LRP1B: variants seen among roughly 807,000 people sequenced by gnomAD.
LRP1B encodes the protein low-density lipoprotein receptor-related protein 1B.
In LRP1B, 217 loss-of-function variants were observed where a neutral mutation model predicts 556.6. The observed-to-expected ratio is 0.39, with a 90% CI of 0.35 to 0.44. The LOEUF is 0.44. Among genes scored for constraint, LRP1B ranks in the 20% least tolerant of loss-of-function variants. The probability of loss-of-function intolerance (pLI) is 1.00; values close to 1 mark genes in which losing one functional copy is unlikely to be tolerated. For synonymous variants in LRP1B, 2,047 were observed against 1,865.8 expected, an observed-to-expected ratio of 1.10 and a Z score of -2.50; for missense variants, 5,053 against 5,620.8, an observed-to-expected ratio of 0.90 and a Z score of 3.23.
chr2:142,113,552 A>AT (rs1466629584), intron 1 of LRP1B, among the ~76,000 whole-genome samples: 1 of 151,868 alleles, frequency 6.6e-6, no homozygotes, highest in Non-Finnish European at 1.5e-5. Context: ...ACAAGGTCTC[A>AT]TCAGCCACCA....
intron 52 of LRP1B, among the ~76,000 whole-genome samples, chr2:140,509,252 T>G (rs191412062): frequency 2.0e-5 from 3 of 152,146 alleles, no homozygotes; most frequent in Non-Finnish European, 4.4e-5. Flanking sequence ...GGATCCCCTA[T>G]GTGACCTTGG....
intron 3 of LRP1B, among the ~76,000 whole-genome samples, chr2:141,320,547 C>G (rs1687201761): frequency 6.6e-6 from 1 of 152,060 alleles, no homozygotes; most frequent in South Asian, 2.1e-4. Context: ...GGATTCTCCT[C>G]TTTCTGGGAG....
intron 7 of LRP1B, among the ~76,000 whole-genome samples, chr2:141,112,898 A>AT (rs1558868952): frequency 6.6e-6 from 1 of 152,184 alleles, no homozygotes; most frequent in Non-Finnish European, 1.5e-5. Flanking sequence ...TTGGAAAAAT[A>AT]TTTTTTTAAA....
At position 140,971,702 on chromosome 2, in the gene LRP1B, C is replaced by T. The variant is rs1363380416; in HGVS notation, c.2887+10458G>A. ...ACAAAAAATTAGCCGGGCATGGTGG[C>T]GGGCGCCTGTAGTCCCAGCTACTCA... is the stretch of plus-strand genomic sequence containing the variant. On this transcript the variant is annotated intron_variant, in intron 18 of 90. Coordinates refer to ENST00000389484, the MANE Select transcript of LRP1B (RefSeq NM_018557.3). Among the ~76,000 whole-genome samples the T allele has an allele frequency of 3.9e-5, 6 of 152,134 alleles. No homozygotes were observed. In the East Asian group the frequency reaches 7.8e-4, roughly 20 times the overall value.
chr2:140,427,628 G>A (rs1378165144), intron 66 of LRP1B, among the ~76,000 whole-genome samples: 1 of 152,148 alleles, frequency 6.6e-6, no homozygotes, highest in Non-Finnish European at 1.5e-5. Flanking sequence ...GGTCTGAGGT[G>A]CCTGATATCC....
intron 3 of LRP1B, among the ~76,000 whole-genome samples, chr2:141,266,863 T>C (rs1294141955): frequency 1.3e-5 from 2 of 152,194 alleles, no homozygotes; most frequent in Non-Finnish European, 2.9e-5. Flanking sequence ...ATTGACACAA[T>C]TTGCTAAAAA....
chr2:141,623,801 G>T (rs1206377619), intron 2 of LRP1B, among the ~76,000 whole-genome samples: 1 of 151,806 alleles, frequency 6.6e-6, no homozygotes, highest in African/African-American at 2.4e-5. Context: ...TGGATCATGA[G>T]GTCAGGAGTT....
intron 2 of LRP1B, among the ~76,000 whole-genome samples, chr2:141,550,703 G>A (rs1156492732): frequency 5.3e-5 from 8 of 151,738 alleles, no homozygotes; most frequent in Non-Finnish European, 1.0e-4. Context: ...TTTTTTCTAA[G>A]CCTCTTAATA....
At chr2:141,485,493 G>A (rs543487463) in intron 2 of LRP1B, among the ~76,000 whole-genome samples, 1 of 152,102 alleles carries the variant, frequency 6.6e-6, no homozygotes, top group Non-Finnish European at 1.5e-5. Flanking sequence ...TCAGTATTTT[G>A]TTGTTCTTTC....
chr2:141,169,719 A>G (rs1680416396), intron 7 of LRP1B, among the ~76,000 whole-genome samples: 1 of 151,472 alleles, frequency 6.6e-6, no homozygotes, highest in African/African-American at 2.4e-5. Flanking sequence ...AGATTTAAAC[A>G]TGGAAATGGA....
At chr2:141,647,176 A>G (rs1409014236) in intron 2 of LRP1B, among the ~76,000 whole-genome samples, 1 of 152,166 alleles carries the variant, frequency 6.6e-6, no homozygotes, top group South Asian at 2.1e-4. Context: ...AGGGAATGCT[A>G]TGTGTTCACT....
At chr2:140,795,945 T>G (rs1690294683) in intron 32 of LRP1B, among the ~76,000 whole-genome samples, 1 of 152,064 alleles carries the variant, frequency 6.6e-6, no homozygotes, top group Admixed American at 6.5e-5. Context: ...CAAACATCTT[T>G]TATTAATATA....
intron 20 of LRP1B, among the ~76,000 whole-genome samples, chr2:140,939,174 T>C (rs1695319975): frequency 6.6e-6 from 1 of 152,092 alleles, no homozygotes; most frequent in Admixed American, 6.6e-5. Context: ...AAATACTCTT[T>C]TATTCAACAT....
intron 20 of LRP1B, among the ~76,000 whole-genome samples, chr2:140,941,570 A>G (rs1316796760): frequency 6.6e-6 from 1 of 152,168 alleles, no homozygotes; most frequent in African/African-American, 2.4e-5. Flanking sequence ...ATTCTTACAT[A>G]CCATCTACTG....
At chr2:141,061,571 T>C (rs1292465155) in intron 8 of LRP1B, among the ~76,000 whole-genome samples, 2 of 151,796 alleles carry the variant, frequency 1.3e-5, no homozygotes, top group African/African-American at 2.4e-5. Flanking sequence ...TTTTAGGAAG[T>C]ACTTGAATAC....
At chr2:140,452,961 G>GTTTTTT (rs5834746) in intron 62 of LRP1B, among the ~76,000 whole-genome samples, 2 of 126,662 alleles carry the variant, frequency 1.6e-5, no homozygotes, top group African/African-American at 2.9e-5. Flanking sequence ...GTGTGTGTGT[G>GTTTTTT]TTTTTTTTTT....
At chr2:142,047,898 A>T (rs1704315659) in intron 1 of LRP1B, among the ~76,000 whole-genome samples, 1 of 152,052 alleles carries the variant, frequency 6.6e-6, no homozygotes, top group South Asian at 2.1e-4. Flanking sequence ...ACTGGACAAT[A>T]AATAAATAAA....
At chr2:140,601,313 A>C in intron 42 of LRP1B, 137 bp downstream of exon 42, 2 of 805,078 alleles carry the variant, frequency 2.5e-6, no homozygotes, top group Non-Finnish European at 3.6e-6. Flanking sequence ...TACATAAAAA[A>C]AAAAGTTTTA....
chr2:141,227,173 A>G (rs997804189), intron 6 of LRP1B, among the ~76,000 whole-genome samples: 1 of 152,212 alleles, frequency 6.6e-6, no homozygotes, highest in Non-Finnish European at 1.5e-5. Flanking sequence ...TTATTTTAAC[A>G]AATAGCTGTT....
Sources: allele counts gnomAD v4.1 joint callset (sites outside exome capture counted in the v4.1 genomes callset), GRCh38; gene constraint gnomAD v4.1.1; transcripts MANE v1.5; gene names NCBI Gene and HGNC (gene_info 2026-07-23, HGNC 2026-07-21).